TIAM1: variants seen among roughly 807,000 people sequenced by gnomAD.
TIAM1 encodes TIAM Rac1 associated GEF 1.
Under a neutral mutation model 163.5 loss-of-function variants are expected in TIAM1, and 65 were observed. The observed-to-expected ratio is 0.40, with a 90% CI of 0.33 to 0.49. The LOEUF (loss-of-function observed/expected upper bound fraction) is 0.49, where lower values mean the gene tolerates loss of function less well. TIAM1 is among the 20% of genes least tolerant of loss of function. The pLI, the probability that TIAM1 is intolerant of heterozygous loss-of-function variation, is 0.77. For synonymous variants in TIAM1, 833 were observed against 810.1 expected (o/e 1.03, Z -0.48); for missense variants, 1,789 against 2,044.7 (o/e 0.87, Z 2.41).
At chr21:31,450,180 A>G (rs987163704) in intron 2 of TIAM1, among the ~76,000 whole-genome samples, 5 of 152,160 alleles carry the variant, frequency 3.3e-5, no homozygotes, top group Admixed American at 3.3e-4. Context: ...TTCCCAGAAT[A>G]TACAAGACAA....
chr21:31,235,851 C>T (rs1184276269), intron 6 of TIAM1, among the ~76,000 whole-genome samples: 1 of 152,110 alleles, frequency 6.6e-6, no homozygotes, highest in African/African-American at 2.4e-5. Context: ...TCTGAGGCAC[C>T]CACAAGAAGG....
At chr21:31,197,012 CACTT>C (rs2085892894) in intron 12 of TIAM1, among the ~76,000 whole-genome samples, 1 of 152,160 alleles carries the variant, frequency 6.6e-6, no homozygotes, top group Non-Finnish European at 1.5e-5. Context: ...AATACCTTCT[CACTT>C]ACAACTAGGG....
chr21:31,171,096 C>T (rs975959653), intron 15 of TIAM1, among the ~76,000 whole-genome samples: 2 of 130,540 alleles, frequency 1.5e-5, no homozygotes, highest in African/African-American at 6.0e-5. Flanking sequence ...ATGTGAAATA[C>T]AGCAGTTATG....
intron 2 of TIAM1, among the ~76,000 whole-genome samples, chr21:31,413,264 C>CTTT (rs397866519): frequency 4.3e-3 from 374 of 87,824 alleles, no homozygotes; most frequent in East Asian, 8.1e-3. Flanking sequence ...CTTTTCTTTT[C>CTTT]TTTTTTTTTT....
intron 20 of TIAM1, among the ~76,000 whole-genome samples, chr21:31,144,199 G>T (rs1033701306): frequency 2.0e-5 from 3 of 152,202 alleles, no homozygotes; most frequent in African/African-American, 7.2e-5. Flanking sequence ...GGGAAGAGTG[G>T]CCGACTGGCC....
intron 2 of TIAM1, among the ~76,000 whole-genome samples, chr21:31,310,085 T>C (rs1387989982): frequency 6.6e-6 from 1 of 152,220 alleles, no homozygotes; most frequent in Non-Finnish European, 1.5e-5. Flanking sequence ...AATCAATTCC[T>C]TTTTCACCTG....
intron 2 of TIAM1, among the ~76,000 whole-genome samples, chr21:31,359,846 A>AAGGG (rs2076378356): frequency 7.5e-6 from 1 of 132,494 alleles, no homozygotes; most frequent in East Asian, 2.1e-4. Context: ...GGAAGGAAGG[A>AAGGG]AGGAAGGAAG....
intron 1 of TIAM1, among the ~76,000 whole-genome samples, chr21:31,497,383 T>A (rs2833432): frequency 0.61 from 92,883 of 152,090 alleles, 28,833 homozygotes; most frequent in East Asian, 0.85. Flanking sequence ...TATACTGATA[T>A]GATCTTTAAA....
chr21:31,475,239 A>T (rs909701815), intron 1 of TIAM1, among the ~76,000 whole-genome samples: 2 of 151,678 alleles, frequency 1.3e-5, no homozygotes, highest in African/African-American at 4.8e-5. Context: ...TCCTTTGTAG[A>T]GACAGGGTTT....
rs1227708022 is a variant in TIAM1, at chr21:31,120,228, G to A, written c.*140C>T. The A allele has an allele frequency of 6.4e-6, 5 of 785,716 alleles. No individual in the cohort carries two copies. Among genetic ancestry groups the A allele is most frequent in the Non-Finnish European group, 9.9e-6 (5 of 507,510 alleles). The allele number at this position is 785,716 out of a possible 1,614,324, so 48.7% of individuals were successfully genotyped here. A position where few individuals can be genotyped will look rare whatever the true frequency, so the allele number is the denominator to read the frequency against. On this transcript the variant is annotated 3_prime_UTR_variant, in exon 28 of 28. Coordinates refer to ENST00000541036, the MANE Select transcript of TIAM1 (RefSeq NM_001353694.2). This position sits in a 1 kb window ranked among gnomAD's most constrained non-coding sequence, Gnocchi z 4.2. ...AATGACAAAGTTGGGTGGCTACATG[G>A]CTTCAGAACCAAGTCAGCTGCCAAA...
At chr21:31,502,617 G>C (rs1167693802) in intron 1 of TIAM1, among the ~76,000 whole-genome samples, 31 of 152,246 alleles carry the variant, frequency 2.0e-4, no homozygotes, top group Non-Finnish European at 4.4e-5. Context: ...TAGATAATGA[G>C]TCAGGTGAGA....
chr21:31,496,459 CAAAAAAAAAAAAA>C (rs58140674), intron 1 of TIAM1, among the ~76,000 whole-genome samples: 56 of 87,872 alleles, frequency 6.4e-4, no homozygotes, highest in Non-Finnish European at 1.0e-3. Context: ...AACTCTGTCT[CAAAAAAAAAAAAA>C]AAAAAAAAAA....
At chr21:31,278,676 A>G (rs1454432372) in intron 2 of TIAM1, among the ~76,000 whole-genome samples, 1 of 152,238 alleles carries the variant, frequency 6.6e-6, no homozygotes, top group African/African-American at 2.4e-5. Flanking sequence ...CTTATCTTGG[A>G]AAATATGCTA....
rs112059981 is a variant in TIAM1 at position 31,182,683 on chromosome 21, CATT to C, written c.2663-41_2663-39del. On this transcript the variant is annotated intron_variant, in intron 14 of 27. Coordinates refer to ENST00000541036, the MANE Select transcript of TIAM1 (RefSeq NM_001353694.2). ...GATGGAAAATTTTTAATTTCACACA[CATT>C]ATCAGAACACAACAGCTTAGGAGCT... 207 of 1,585,516 alleles carry C rather than the reference CATT, an allele frequency of 1.3e-4. 1 individual carries two copies. In the African/African-American group the frequency reaches 2.0e-3, roughly 15 times the overall value.
At chr21:31,416,498 A>G (rs1180142028) in intron 2 of TIAM1, among the ~76,000 whole-genome samples, 3 of 151,914 alleles carry the variant, frequency 2.0e-5, no homozygotes, top group Non-Finnish European at 2.9e-5. Context: ...CTGAGTCCCC[A>G]GAATCCATTA....
intron 27 of TIAM1, among the ~76,000 whole-genome samples, chr21:31,123,015 C>G (rs968911617): frequency 6.6e-6 from 1 of 152,192 alleles, no homozygotes; most frequent in Non-Finnish European, 1.5e-5. Flanking sequence ...AAAAATGAGC[C>G]ATCAGGCAGA....
Position 31,323,856 on chromosome 21 carries a change from A to C in TIAM1, c.-189+15387T>G, listed in dbSNP as rs546465593. On this transcript the variant is annotated intron_variant, in intron 2 of 27. Transcript: ENST00000541036. Reference sequence around the variant, plus strand: ...CAAAAAGAAACACACAAAAATTTAAAAATTAGCTGGGTGTGGTGGTGTGTG... The same window carrying C: ...CAAAAAGAAACACACAAAAATTTAACAATTAGCTGGGTGTGGTGGTGTGTG... 1.1e-4 allele frequency among the ~76,000 whole-genome samples: 17 copies of C among 151,896 alleles called. No individual in the cohort carries two copies. The East Asian group carries it at 3.3e-3, about 30-fold the overall frequency.
intron 15 of TIAM1, among the ~76,000 whole-genome samples, chr21:31,177,947 C>T (rs2084843249): frequency 6.6e-6 from 1 of 152,174 alleles, no homozygotes; most frequent in Non-Finnish European, 1.5e-5. Flanking sequence ...TCCACCTTAA[C>T]TTACTCCCAT....
At chr21:31,539,475 C>G (rs950815302) in intron 1 of TIAM1, among the ~76,000 whole-genome samples, 1 of 151,592 alleles carries the variant, frequency 6.6e-6, no homozygotes. Context: ...CCGTGTTAGC[C>G]AGGATGGTCT....
Sources: allele counts gnomAD v4.1 joint callset (sites outside exome capture counted in the v4.1 genomes callset), GRCh38; gene constraint gnomAD v4.1.1; non-coding constraint Gnocchi (gnomAD v3.1); transcripts MANE v1.5; gene names NCBI Gene and HGNC (gene_info 2026-07-23, HGNC 2026-07-21).